UNKL: variants seen among roughly 807,000 people sequenced by gnomAD.
The protein encoded by UNKL is unk like zinc finger.
UNKL carries 60 observed loss-of-function variants against 78.0 expected under a neutral mutation model. The ratio of observed to expected loss-of-function variants is 0.77; its 90% CI spans 0.63 to 0.95. UNKL has a LOEUF of 0.95. Among genes scored for constraint, UNKL ranks in the 40% least tolerant of loss-of-function variants. UNKL has a pLI of 0.00. For synonymous variants in UNKL, 608 were observed against 474.8 expected, an observed-to-expected ratio of 1.28 and a Z score of -3.65; for missense variants, 1,159 against 1,045.7, an observed-to-expected ratio of 1.11 and a Z score of -1.49.
intron 4 of UNKL, among the ~76,000 whole-genome samples, chr16:1,400,533 G>C (rs1469759614): frequency 6.6e-6 from 1 of 151,828 alleles, no homozygotes; most frequent in Non-Finnish European, 1.5e-5. Flanking sequence ...GGACCAGGGA[G>C]GGGATGGGGA....
chr16:1,370,783 T>C (rs1379551952), intron 11 of UNKL, among the ~76,000 whole-genome samples: 1 of 152,200 alleles, frequency 6.6e-6, no homozygotes, highest in East Asian at 1.9e-4. Flanking sequence ...GTATACGATG[T>C]TAAGATACAT....
Position 1,399,620 on chromosome 16 carries a change from AG to A in UNKL, c.599-112del. 3 of 1,495,538 alleles carry A rather than the reference AG, an allele frequency of 2.0e-6. No homozygotes were observed. Among genetic ancestry groups the A allele is most frequent in the East Asian group, 5.0e-5 (2 of 40,394 alleles). 92.6% of individuals were successfully genotyped at this position (1,495,538 alleles called of 1,614,324 possible). On this transcript the variant is annotated intron_variant, in intron 4 of 14. Coordinates refer to ENST00000389221, the MANE Select transcript of UNKL (RefSeq NM_001372107.1). The surrounding 1 kb of genome is among the most constrained non-coding windows in gnomAD (Gnocchi z 5.8). ...TCCCCCAAATGGAAGGGGCTGCAGG[AG>A]GACTTGGGGAGCGCAGACACACGCC...
At chr16:1,413,284 T>C (rs868637372) in intron 2 of UNKL, among the ~76,000 whole-genome samples, 78 of 99,394 alleles carry the variant, frequency 7.8e-4, no homozygotes, top group African/African-American at 2.7e-3. Context: ...AAAAAAAAAG[T>C]GGGGCCGGGT....
intron 10 of UNKL, among the ~76,000 whole-genome samples, chr16:1,384,086 CAG>C (rs1271992828): frequency 2.0e-5 from 3 of 152,152 alleles, no homozygotes; most frequent in African/African-American, 4.8e-5. Flanking sequence ...ACTGTCAGGA[CAG>C]AGAGGCAGGT....
At chr16:1,395,894 G>A (rs752473712) in intron 6 of UNKL, 25 of 401,112 alleles carry the variant, frequency 6.2e-5, no homozygotes, top group East Asian at 5.9e-4. Flanking sequence ...AAGAAACGAC[G>A]GGAAGCAGCG....
At chr16:1,378,856 G>C (rs894459036) in intron 10 of UNKL, 1 of 152,324 alleles carries the variant, frequency 6.6e-6, no homozygotes, top group African/African-American at 2.4e-5. Flanking sequence ...CAAGGGGGGA[G>C]ACGGCTGCTG....
chr16:1,397,263 TCCCCG>T lies in UNKL; in HGVS notation c.762_766del (p.His254GlnfsTer2), dbSNP rs1567228816. ...GCAGCGTGAGGGTTCCCCCCACTCA[TCCCCG>T]TGCTTCACACTGGGGCAGGGCGTGG... On this transcript the variant is annotated frameshift_variant, in exon 6 of 15. Coordinates refer to ENST00000389221, the MANE Select transcript of UNKL (RefSeq NM_001372107.1). LOFTEE classifies it high-confidence loss of function. 6.8e-7 allele frequency: 1 copy of T among 1,465,380 alleles called. No individual in the cohort carries two copies. Among genetic ancestry groups the T allele is most frequent in the Admixed American group, 2.2e-5 (1 of 46,328 alleles). The allele number at this position is 1,465,380 out of a possible 1,614,324, so 90.8% of individuals were successfully genotyped here.
At chr16:1,392,746 A>G (rs1416002544) in intron 8 of UNKL, 145 bp downstream of exon 8, 1 of 1,000,180 alleles carries the variant, frequency 1.0e-6, no homozygotes, top group Non-Finnish European at 1.5e-6. Context: ...AGTGGCAAGG[A>G]TTTTTCTAGA....
Position 1,371,577 on chromosome 16 carries a change from A to AG in UNKL, c.1298_1299insC (p.Ile434TyrfsTer136). 7 of 1,536,172 alleles carry AG rather than the reference A, an allele frequency of 4.6e-6. No homozygotes were observed. Among genetic ancestry groups the AG allele is most frequent in the Non-Finnish European group, 6.1e-6 (7 of 1,146,904 alleles). Reference sequence around the variant, plus strand: ...CCAGGTCCTTCTCTAGGGATGCAATATTCACATTGCTAAGATGCAGGTCTA... The same window carrying AG: ...CCAGGTCCTTCTCTAGGGATGCAATAGTTCACATTGCTAAGATGCAGGTCTA... On this transcript the variant is annotated frameshift_variant, in exon 11 of 15. Coordinates refer to ENST00000389221, the MANE Select transcript of UNKL (RefSeq NM_001372107.1). LOFTEE classifies it high-confidence loss of function.
At chr16:1,376,657 G>A (rs112109561) in intron 10 of UNKL, among the ~76,000 whole-genome samples, 8,014 of 152,104 alleles carry the variant, frequency 0.053, 410 homozygotes, top group African/African-American at 0.13. Flanking sequence ...TGGTTATGAG[G>A]ACCCTGCAGT....
At chr16:1,383,306 A>C (rs1376475886) in intron 10 of UNKL, among the ~76,000 whole-genome samples, 3 of 151,800 alleles carry the variant, frequency 2.0e-5, no homozygotes, top group African/African-American at 4.8e-5. Flanking sequence ...AAAACAAAAC[A>C]AAACCCACAC....
At position 1,403,492 on chromosome 16, in the gene UNKL, C is replaced by T; in HGVS notation, c.288-148G>A. On this transcript the variant is annotated intron_variant, in intron 2 of 14. Coordinates refer to ENST00000389221, the MANE Select transcript of UNKL (RefSeq NM_001372107.1). This position sits in a 1 kb window ranked among gnomAD's most constrained non-coding sequence, Gnocchi z 4.8. ...CCTGTTCTAATCAGAAGGACGGACA[C>T]ACTGGACGCAGCACCTGTCCCCAAA... is the stretch of plus-strand genomic sequence containing the variant. The T allele has an allele frequency of 9.7e-7, 1 of 1,033,394 alleles. No homozygotes were observed. The highest frequency in any genetic ancestry group is 1.4e-6 in the Non-Finnish European group (1 of 727,534). The allele number at this position is 1,033,394 out of a possible 1,614,324, so 64.0% of individuals were successfully genotyped here. A position where few individuals can be genotyped will look rare whatever the true frequency, so the allele number is the denominator to read the frequency against.
At chr16:1,396,193 C>G (rs2037252940) in intron 6 of UNKL, among the ~76,000 whole-genome samples, 1 of 151,802 alleles carries the variant, frequency 6.6e-6, no homozygotes, top group Admixed American at 6.6e-5. Flanking sequence ...GTGCCCACCT[C>G]AGCCTTCCAA....
chr16:1,368,531 A>C (rs532685310), intron 12 of UNKL, among the ~76,000 whole-genome samples: 8 of 132,224 alleles, frequency 6.1e-5, no homozygotes, highest in African/African-American at 2.3e-4. Flanking sequence ...GAACCCGGGA[A>C]GCGGAGCTTG....
chr16:1,396,795 A>G (rs1220536527), intron 6 of UNKL, among the ~76,000 whole-genome samples: 1 of 151,840 alleles, frequency 6.6e-6, no homozygotes, highest in Non-Finnish European at 1.5e-5. Flanking sequence ...GGGTTTTGCC[A>G]GGATGGTCTT....
At chr16:1,367,630 C>T (rs748486171) in intron 13 of UNKL, 26 bp downstream of exon 13, 2 of 1,532,678 alleles carry the variant, frequency 1.3e-6, no homozygotes, top group Non-Finnish European at 8.8e-7. Context: ...CTCCCCCTCA[C>T]CTGTCTGGCC....
In UNKL at chr16:1,399,870, C is replaced by T. The variant is rs2037441076; in HGVS notation, c.599-361G>A. ...CAACTAGAGAGAGGTGATGTGTGCACAGCTTTTGAGAATATGCTAAAATCC... is the reference window on the plus strand; with the variant it reads ...CAACTAGAGAGAGGTGATGTGTGCATAGCTTTTGAGAATATGCTAAAATCC... On this transcript the variant is annotated intron_variant, in intron 4 of 14. Transcript: ENST00000389221. The surrounding 1 kb of genome is among the most constrained non-coding windows in gnomAD (Gnocchi z 5.8). 6.6e-6 allele frequency among the ~76,000 whole-genome samples: 1 copy of T among 152,120 alleles called. No individual in the cohort carries two copies. Among genetic ancestry groups the T allele is most frequent in the Non-Finnish European group, 1.5e-5 (1 of 68,044 alleles).
At chr16:1,383,742 G>A (rs896466352) in intron 10 of UNKL, 6 of 409,088 alleles carry the variant, frequency 1.5e-5, no homozygotes, top group East Asian at 7.4e-5. Context: ...CCGGGCCGCC[G>A]CCCACATTGA....
intron 10 of UNKL, among the ~76,000 whole-genome samples, chr16:1,383,285 AAAAC>A (rs2036677509): frequency 6.6e-6 from 1 of 151,614 alleles, no homozygotes; most frequent in South Asian, 2.1e-4. Flanking sequence ...AAAAAAAAAA[AAAAC>A]AAAATCAAAA....
Sources: gnomAD v4.1 joint callset for allele counts (sites outside exome capture counted in the v4.1 genomes callset) on GRCh38, gnomAD v4.1.1 for gene constraint, Gnocchi (gnomAD v3.1) non-coding constraint, MANE v1.5 for transcripts, NCBI Gene and HGNC (gene_info 2026-07-23, HGNC 2026-07-21) for gene names.